The following MAP3K9 variants were observed in gnomAD, a reference collection of about 807,000 sequenced individuals.
MAP3K9 encodes the protein mixed lineage kinase 1 (tyr and ser/thr specificity).
A neutral mutation model predicts 95.8 loss-of-function variants in MAP3K9; 46 were observed. That is an observed-to-expected ratio of 0.48 (90% CI 0.38 to 0.61). The LOEUF is 0.61. Among genes scored for constraint, MAP3K9 ranks in the 20% least tolerant of loss-of-function variants. The pLI, the probability that MAP3K9 is intolerant of heterozygous loss-of-function variation, is 0.00. For synonymous variants in MAP3K9, 533 were observed against 593.8 expected (o/e 0.90, Z 1.49); for missense variants, 1,296 against 1,474.3 (o/e 0.88, Z 1.98).
chr14:70,793,736 G>A (rs1355695796), intron 2 of MAP3K9, among the ~76,000 whole-genome samples: 5 of 151,966 alleles, frequency 3.3e-5, no homozygotes, highest in Non-Finnish European at 7.4e-5. Context: ...AACTATGCTG[G>A]GAGCTAAAGA....
chr14:70,735,951 T>A lies in MAP3K9; in HGVS notation c.1913+10A>T, dbSNP rs1281116933. The A allele has an allele frequency of 1.9e-6, 3 of 1,604,294 alleles. No homozygotes were observed. ...AGGACAGCTGGTGAAAGGGTGAAGA[T>A]GAGACTCACCCCAAGTGGAAATGTG... is the stretch of plus-strand genomic sequence containing the variant. On this transcript the variant is annotated intron_variant, in intron 9 of 11. Transcript: ENST00000554752.
At chr14:70,807,412 C>T (rs2055001767) in intron 1 of MAP3K9, among the ~76,000 whole-genome samples, 1 of 152,142 alleles carries the variant, frequency 6.6e-6, no homozygotes, top group South Asian at 2.1e-4. Flanking sequence ...ATTGCTTGAA[C>T]CCGGGAGGCA....
At chr14:70,752,403 T>C (rs2054241501) in intron 3 of MAP3K9, among the ~76,000 whole-genome samples, 1 of 152,044 alleles carries the variant, frequency 6.6e-6, no homozygotes, top group African/African-American at 2.4e-5. Flanking sequence ...GGTATGGGAG[T>C]GAGCGCATGG....
chr14:70,788,639 G>T (rs1228797764), intron 2 of MAP3K9, among the ~76,000 whole-genome samples: 1 of 152,220 alleles, frequency 6.6e-6, no homozygotes, highest in African/African-American at 2.4e-5. Flanking sequence ...AGGAGAAGAG[G>T]TGTGGTGTTG....
chr14:70,803,112 G>A (rs866751794), intron 1 of MAP3K9, among the ~76,000 whole-genome samples: 8 of 151,900 alleles, frequency 5.3e-5, no homozygotes, highest in African/African-American at 1.2e-4. Context: ...CTCCCACCAC[G>A]TGACATGCCT....
intron 3 of MAP3K9, among the ~76,000 whole-genome samples, chr14:70,757,456 G>GAA (rs35189989): frequency 1.1e-4 from 13 of 114,062 alleles, no homozygotes; most frequent in Admixed American, 1.0e-3. Context: ...GACCCTGTCC[G>GAA]AAAAAAAAAA....
At chr14:70,801,847 C>T (rs538383357) in intron 1 of MAP3K9, among the ~76,000 whole-genome samples, 45 of 152,122 alleles carry the variant, frequency 3.0e-4, no homozygotes, top group African/African-American at 8.4e-4. Context: ...ATCAGGCAGA[C>T]GGAAGGACAG....
chr14:70,799,293 A>T (rs1479148269), intron 2 of MAP3K9, among the ~76,000 whole-genome samples: 1 of 151,676 alleles, frequency 6.6e-6, no homozygotes, highest in South Asian at 2.1e-4. Context: ...GATTACAGAC[A>T]TGAGCCACTG....
rs1429518124 is a variant in MAP3K9 at position 70,809,197 on chromosome 14, GGCCGCCGCCGCCCGCAGGA to G, written c.-45_-27del. 1.9e-5 allele frequency: 25 copies of G among 1,294,792 alleles called. No homozygotes were observed. The highest frequency in any genetic ancestry group is 1.3e-4 in the Admixed American group (3 of 23,828). 80.2% of individuals were successfully genotyped at this position (1,294,792 alleles called of 1,614,324 possible). A position where few individuals can be genotyped will look rare whatever the true frequency, so the allele number is the denominator to read the frequency against. ...GGAGCGGCCGATCCATAGGGTGCGGGGCCGCCGCCGCCCGCAGGAGCCGCCGCCGCCTATTGTTCATGCG... is the reference window on the plus strand; with the variant it reads ...GGAGCGGCCGATCCATAGGGTGCGGGGCCGCCGCCGCCTATTGTTCATGCG... On this transcript the variant is annotated 5_prime_UTR_variant, in exon 1 of 12. Transcript: ENST00000554752.
chr14:70,798,502 G>A lies in MAP3K9; in HGVS notation c.820+2165C>T, dbSNP rs1006696220. On this transcript the variant is annotated intron_variant, in intron 2 of 11. Transcript: ENST00000554752. ...TTTTTTTTTTTTTTTTTTTTGAGAC[G>A]GAGTCTCGCTCTGTCGCCCAGGCTG... 6.0e-5 allele frequency among the ~76,000 whole-genome samples: 4 copies of A among 67,074 alleles called. 1 individual carries two copies. The East Asian group carries it at 8.2e-4, about 14-fold the overall frequency. 44.0% of individuals were successfully genotyped at this position (67,074 alleles called of 152,430 possible). A position where few individuals can be genotyped will look rare whatever the true frequency, so the allele number is the denominator to read the frequency against.
chr14:70,763,864 G>C (rs2054408426), intron 2 of MAP3K9, among the ~76,000 whole-genome samples: 1 of 151,646 alleles, frequency 6.6e-6, no homozygotes, highest in Admixed American at 6.6e-5. Context: ...TTATTTTAGA[G>C]TGCACTCCTT....
intron 3 of MAP3K9, among the ~76,000 whole-genome samples, chr14:70,754,105 T>C (rs2054266291): frequency 6.6e-6 from 1 of 152,254 alleles, no homozygotes; most frequent in Non-Finnish European, 1.5e-5. Context: ...ACAAAGATAA[T>C]TGAACTAATA....
chr14:70,801,780 T>C (rs560804887), intron 1 of MAP3K9, among the ~76,000 whole-genome samples: 82 of 152,180 alleles, frequency 5.4e-4, no homozygotes, highest in African/African-American at 1.9e-3. Context: ...AAATTGGCCC[T>C]AAAGAGTGAG....
At chr14:70,757,861 A>G (rs1486590688) in intron 3 of MAP3K9, among the ~76,000 whole-genome samples, 2 of 152,218 alleles carry the variant, frequency 1.3e-5, no homozygotes, top group Non-Finnish European at 2.9e-5. Context: ...GAAAAATAAT[A>G]AAGTTGGACC....
At chr14:70,760,637 A>G (rs1309462167) in intron 3 of MAP3K9, among the ~76,000 whole-genome samples, 1 of 152,192 alleles carries the variant, frequency 6.6e-6, no homozygotes, top group Non-Finnish European at 1.5e-5. Flanking sequence ...ACGAAAGCCT[A>G]GCATTGCTGA....
At chr14:70,806,900 T>C (rs570028613) in intron 1 of MAP3K9, among the ~76,000 whole-genome samples, 1 of 152,220 alleles carries the variant, frequency 6.6e-6, no homozygotes. Flanking sequence ...TCTTCCAATA[T>C]ATGACCAAGT....
At position 70,801,543 on chromosome 14, in the gene MAP3K9, C is replaced by T. The variant is rs145990521; in HGVS notation, c.407-463G>A. 7.4e-4 allele frequency among the ~76,000 whole-genome samples: 112 copies of T among 152,332 alleles called. 2 individuals carry two copies. The East Asian group carries it at 0.019, about 26-fold the overall frequency. On this transcript the variant is annotated intron_variant, in intron 1 of 11. Transcript: ENST00000554752. ...CTGGGATTACAGGCATGAGCCACTG[C>T]ACCTGGCCGAGATCCTTTCTTTGAG... is the stretch of plus-strand genomic sequence containing the variant.
intron 2 of MAP3K9, among the ~76,000 whole-genome samples, chr14:70,762,344 A>C (rs2054387578): frequency 6.6e-6 from 1 of 152,220 alleles, no homozygotes; most frequent in South Asian, 2.1e-4. Context: ...GAACCATTTT[A>C]CATTTCCACA....
chr14:70,768,093 C>T (rs1273958787), intron 2 of MAP3K9, among the ~76,000 whole-genome samples: 2 of 151,974 alleles, frequency 1.3e-5, no homozygotes, highest in East Asian at 1.9e-4. Flanking sequence ...TTTGATAGCA[C>T]AACAGGGTGA....
Sources: allele counts gnomAD v4.1 joint callset (sites outside exome capture counted in the v4.1 genomes callset), GRCh38; gene constraint gnomAD v4.1.1; transcripts MANE v1.5; gene names NCBI Gene and HGNC (gene_info 2026-07-23, HGNC 2026-07-21).